The following COL13A1 variants were observed in gnomAD, a reference collection of about 807,000 sequenced individuals.
COL13A1 encodes the protein collagen type XIII alpha 1 chain.
A neutral mutation model predicts 130.9 loss-of-function variants in COL13A1; 89 were observed. That is an observed-to-expected ratio of 0.68 (90% CI 0.57 to 0.81). The LOEUF is 0.81. Among genes scored for constraint, COL13A1 ranks in the 30% least tolerant of loss-of-function variants. The pLI is 0.00. For synonymous variants in COL13A1, 402 were observed against 341.6 expected (o/e 1.18, Z -1.95); for missense variants, 879 against 934.6 (o/e 0.94, Z 0.78).
At chr10:69,879,205 T>A (rs2059900574) in intron 6 of COL13A1, among the ~76,000 whole-genome samples, 1 of 152,140 alleles carries the variant, frequency 6.6e-6, no homozygotes, top group Non-Finnish European at 1.5e-5. Context: ...ACTCCAAGGC[T>A]GGGGCTCCTA....
chr10:69,859,242 G>A (rs911930227), intron 2 of COL13A1, among the ~76,000 whole-genome samples: 5 of 152,166 alleles, frequency 3.3e-5, no homozygotes, highest in African/African-American at 7.2e-5. Context: ...AAGTAATTGC[G>A]GGTTTTGCCA....
At chr10:69,836,578 C>G (rs1018957848) in intron 2 of COL13A1, among the ~76,000 whole-genome samples, 21 of 152,204 alleles carry the variant, frequency 1.4e-4, no homozygotes, top group African/African-American at 4.8e-4. Context: ...TTCACAAACT[C>G]ACTTCCTCCC....
chr10:69,835,738 G>C (rs10823439), intron 2 of COL13A1, among the ~76,000 whole-genome samples: 79,370 of 152,064 alleles, frequency 0.52, 21,197 homozygotes, highest in African/African-American at 0.63. Context: ...TGCTACCCTG[G>C]AGCACAGTGG....
At chr10:69,875,283 C>T in intron 5 of COL13A1, 120 bp downstream of exon 5, 1 of 1,225,022 alleles carries the variant, frequency 8.2e-7, no homozygotes, top group Non-Finnish European at 1.2e-6. Flanking sequence ...TCAGCACTTT[C>T]CCTTCCCCAA....
chr10:69,890,628 G>C (rs187270696), intron 10 of COL13A1, among the ~76,000 whole-genome samples: 3 of 152,378 alleles, frequency 2.0e-5, no homozygotes, highest in African/African-American at 7.2e-5. Context: ...TAATCATGTG[G>C]GTGGAAAGGG....
chr10:69,917,200 T>C, intron 17 of COL13A1, 89 bp from the exon 18 acceptor site: 1 of 1,541,892 alleles, frequency 6.5e-7, no homozygotes, highest in Non-Finnish European at 8.9e-7. Context: ...CATCCCAGCC[T>C]CCAGACAAGA....
At chr10:69,927,644 CAAGTTTAACTTCT>C (rs2065550424) in intron 27 of COL13A1, among the ~76,000 whole-genome samples, 1 of 152,124 alleles carries the variant, frequency 6.6e-6, no homozygotes, top group African/African-American at 2.4e-5. Context: ...TGACTACCAC[CAAGTTTAACTTCT>C]AAGGTAGAGG....
intron 34 of COL13A1, among the ~76,000 whole-genome samples, chr10:69,940,784 C>T (rs1172435165): frequency 1.3e-5 from 2 of 152,230 alleles, no homozygotes; most frequent in Non-Finnish European, 2.9e-5. Flanking sequence ...CCACTGCATT[C>T]AGTGTCTCCA....
At chr10:69,926,582 C>T (rs1052216042) in intron 26 of COL13A1, among the ~76,000 whole-genome samples, 1 of 152,240 alleles carries the variant, frequency 6.6e-6, no homozygotes, top group African/African-American at 2.4e-5. Context: ...ACTCCATTTA[C>T]AAGGTGTAAA....
intron 1 of COL13A1, 137 bp from the exon 2 acceptor site, chr10:69,822,232 T>G (rs1809562613): frequency 1.7e-6 from 1 of 579,844 alleles, no homozygotes; most frequent in South Asian, 2.6e-5. Flanking sequence ...GGAAGGCCAT[T>G]AACTGCCTGT....
intron 2 of COL13A1, among the ~76,000 whole-genome samples, chr10:69,864,265 C>T (rs1859131853): frequency 6.6e-6 from 1 of 152,092 alleles, no homozygotes; most frequent in African/African-American, 2.4e-5. Context: ...TTATAGTTAC[C>T]ATGCTTAGCA....
At chr10:69,926,132 G>T (rs1349712980) in intron 26 of COL13A1, among the ~76,000 whole-genome samples, 3 of 152,254 alleles carry the variant, frequency 2.0e-5, no homozygotes, top group African/African-American at 7.2e-5. Context: ...CCTGCCTCAG[G>T]GCCCCTGAGT....
intron 2 of COL13A1, among the ~76,000 whole-genome samples, chr10:69,855,699 C>G (rs1856236666): frequency 6.7e-6 from 1 of 148,412 alleles, no homozygotes. Flanking sequence ...AAAGCAGCCT[C>G]CTAACTCACC....
chr10:69,915,737 C>T (rs2063851024), intron 17 of COL13A1, among the ~76,000 whole-genome samples: 1 of 152,208 alleles, frequency 6.6e-6, no homozygotes, highest in South Asian at 2.1e-4. Context: ...GAGGGCAGCT[C>T]AGCCCAGGGC....
chr10:69,959,000 G>A lies in COL13A1; in HGVS notation c.*299G>A. On this transcript the variant is annotated 3_prime_UTR_variant, in exon 41 of 41. Coordinates refer to ENST00000645393, the MANE Select transcript of COL13A1 (RefSeq NM_001368882.1). ...AATTATTGTGTCCTGGTGCCAAAGG[G>A]GGCCAGCCAGAACTGAGGTGCTGGC... The A allele has an allele frequency of 2.7e-6, 1 of 376,224 alleles. No homozygotes were observed. The highest frequency in any genetic ancestry group is 3.8e-5 in the South Asian group (1 of 26,356). The allele number at this position is 376,224 out of a possible 1,614,324, so 23.3% of individuals were successfully genotyped here. A position where few individuals can be genotyped will look rare whatever the true frequency, so the allele number is the denominator to read the frequency against.
intron 2 of COL13A1, among the ~76,000 whole-genome samples, chr10:69,841,605 C>A (rs181096465): frequency 6.6e-6 from 1 of 152,178 alleles, no homozygotes; most frequent in Non-Finnish European, 1.5e-5. Flanking sequence ...ACATGACTTA[C>A]GGTTCAGTCA....
intron 1 of COL13A1, among the ~76,000 whole-genome samples, chr10:69,817,987 G>A (rs1845033799): frequency 6.6e-6 from 1 of 152,150 alleles, no homozygotes; most frequent in Admixed American, 6.5e-5. Context: ...TGGTTTTCTA[G>A]CTGTGCCTGT....
At chr10:69,802,793 T>C in intron 1 of COL13A1, 76 bp downstream of exon 1, 1 of 1,561,000 alleles carries the variant, frequency 6.4e-7, no homozygotes, top group Non-Finnish European at 8.7e-7. Flanking sequence ...GTTCAGCCGG[T>C]GTCCGCGGGC....
chr10:69,847,143 T>G (rs1363178874), intron 2 of COL13A1, among the ~76,000 whole-genome samples: 1 of 152,226 alleles, frequency 6.6e-6, no homozygotes, highest in Non-Finnish European at 1.5e-5. Flanking sequence ...CCGGACCGCA[T>G]GCTTAGGGCC....
Sources: gnomAD v4.1 joint callset for allele counts (sites outside exome capture counted in the v4.1 genomes callset) on GRCh38, gnomAD v4.1.1 for gene constraint, MANE v1.5 for transcripts, NCBI Gene and HGNC (gene_info 2026-07-23, HGNC 2026-07-21) for gene names.